The following CIAPIN1 variants were observed in gnomAD, a reference collection of about 807,000 sequenced individuals.
CIAPIN1 encodes the protein anamorsin.
CIAPIN1 carries 18 observed loss-of-function variants against 34.3 expected under a neutral mutation model. The ratio of observed to expected loss-of-function variants is 0.52; its 90% CI spans 0.36 to 0.78. The LOEUF (loss-of-function observed/expected upper bound fraction) is 0.78, where lower values mean the gene tolerates loss of function less well. Ranked by LOEUF, CIAPIN1 falls within the 30% of genes least tolerant of loss-of-function variation. The pLI, the probability that CIAPIN1 is intolerant of heterozygous loss-of-function variation, is 0.00. For synonymous variants in CIAPIN1, 131 were observed against 140.4 expected, an observed-to-expected ratio of 0.93 and a Z score of 0.47; for missense variants, 310 against 372.5, an observed-to-expected ratio of 0.83 and a Z score of 1.38.
In CIAPIN1 at chr16:57,434,743, T is replaced by C. The variant is rs2269864; in HGVS notation, c.388-531A>G. The stretch of plus-strand genomic sequence containing the variant: ...ATGGAATACTATTACATCATTAATA[T>C]GAATGAAGGGAAATACACTGAAGTA... On this transcript the variant is annotated intron_variant, in intron 4 of 8. Coordinates refer to ENST00000394391, the MANE Select transcript of CIAPIN1 (RefSeq NM_020313.4). Among the ~76,000 whole-genome samples, 353 of 152,318 alleles carry C rather than the reference T, an allele frequency of 2.3e-3. 15 individuals carry two copies. In the East Asian group the frequency reaches 0.059, roughly 25 times the overall value.
At chr16:57,436,924 A>T (rs528855382) in intron 3 of CIAPIN1, among the ~76,000 whole-genome samples, 192 bp from the exon 4 acceptor site, 8 of 151,986 alleles carry the variant, frequency 5.3e-5, no homozygotes, top group Non-Finnish European at 1.2e-4. Flanking sequence ...TTCAAGACCA[A>T]TCTGGGGCCA....
At chr16:57,443,938 T>C (rs1424108410) in intron 1 of CIAPIN1, among the ~76,000 whole-genome samples, 18 of 151,374 alleles carry the variant, frequency 1.2e-4, no homozygotes, top group Admixed American at 3.3e-4. Flanking sequence ...AAAAAAAAAA[T>C]GACCTGTTTC....
intron 2 of CIAPIN1, among the ~76,000 whole-genome samples, 177 bp downstream of exon 2, chr16:57,440,595 G>A (rs1402420698): frequency 2.0e-5 from 3 of 152,062 alleles, no homozygotes; most frequent in Non-Finnish European, 2.9e-5. Flanking sequence ...AAGAACCTAC[G>A]TTGAATTATT....
At position 57,434,198 on chromosome 16, in the gene CIAPIN1, G is replaced by A. The variant is rs77773186; in HGVS notation, c.402C>T (p.Pro134=). 6.3e-4 allele frequency: 1,014 copies of A among 1,613,924 alleles called. 8 individuals carry two copies. In the African/African-American group the frequency reaches 0.013, roughly 20 times the overall value. Residue 134 remains proline, a synonymous_variant, in exon 5 of 9, where the codon CCC becomes CCT. Transcript: ENST00000394391. ...LVEVKELQRE[P]LTPEEVQSVR... is the part of the protein sequence containing the mutation. ...CAGACTGTACTTCCTCAGGGGTTAG[G>A]GGCTCCCGCTGCAGCTAGAATTCAA...
intron 1 of CIAPIN1, among the ~76,000 whole-genome samples, chr16:57,446,879 A>G (rs2030098591): frequency 6.6e-6 from 1 of 152,314 alleles, no homozygotes; most frequent in Non-Finnish European, 1.5e-5. Context: ...CGAAATTACA[A>G]TCGTGAGCTC....
At chr16:57,438,121 C>T (rs1005421654) in intron 3 of CIAPIN1, among the ~76,000 whole-genome samples, 1 of 152,180 alleles carries the variant, frequency 6.6e-6, no homozygotes, top group African/African-American at 2.4e-5. Flanking sequence ...TTATACTACA[C>T]ATAACACAAA....
At chr16:57,442,910 T>TC (rs1440953747) in intron 1 of CIAPIN1, among the ~76,000 whole-genome samples, 1 of 152,080 alleles carries the variant, frequency 6.6e-6, no homozygotes, top group Non-Finnish European at 1.5e-5. Context: ...AAGTGATCCC[T>TC]CCTTATTCTA....
intron 6 of CIAPIN1, 112 bp from the exon 7 acceptor site, chr16:57,431,378 C>T: frequency 1.6e-6 from 1 of 634,296 alleles, no homozygotes; most frequent in South Asian, 2.1e-5. Context: ...AGAAGGTGTC[C>T]ACCCTGTCCT....
chr16:57,438,035 CT>C (rs537086487), intron 3 of CIAPIN1, among the ~76,000 whole-genome samples: 4 of 152,072 alleles, frequency 2.6e-5, no homozygotes, highest in Admixed American at 6.6e-5. Flanking sequence ...TGAATAGTTC[CT>C]TTTTTATCTC....
chr16:57,439,496 T>C (rs1244517496), intron 2 of CIAPIN1, among the ~76,000 whole-genome samples, 162 bp from the exon 3 acceptor site: 9 of 152,070 alleles, frequency 5.9e-5, no homozygotes, highest in African/African-American at 1.9e-4. Flanking sequence ...TAAAAAAACA[T>C]GGAATAGCTA....
chr16:57,434,294 A>T, intron 4 of CIAPIN1, 82 bp from the exon 5 acceptor site: 1 of 1,351,456 alleles, frequency 7.4e-7, no homozygotes, highest in East Asian at 2.3e-5. Flanking sequence ...GGAGTCAAAG[A>T]CTCATTTCTG....
At chr16:57,431,986 T>C (rs1474982474) in intron 6 of CIAPIN1, among the ~76,000 whole-genome samples, 1 of 152,134 alleles carries the variant, frequency 6.6e-6, no homozygotes, top group Non-Finnish European at 1.5e-5. Context: ...CAAGAAATTA[T>C]GTGGGGAAAA....
At chr16:57,431,045 G>T in intron 7 of CIAPIN1, 106 bp downstream of exon 7, 24 of 618,414 alleles carry the variant, frequency 3.9e-5, no homozygotes, top group South Asian at 1.7e-4. Flanking sequence ...TCCCTGTGTT[G>T]CCCAGCCTGG....
At chr16:57,429,379 GA>G in intron 8 of CIAPIN1, 99 bp from the exon 9 acceptor site, 1 of 756,270 alleles carries the variant, frequency 1.3e-6, no homozygotes, top group Admixed American at 2.2e-5. Flanking sequence ...ACAGTGGCCT[GA>G]AGGAAATGGC....
rs575315678 is a variant in CIAPIN1, at chr16:57,444,690, T to C, written c.-56+2652A>G. On this transcript the variant is annotated intron_variant, in intron 1 of 8. Coordinates refer to ENST00000394391, the MANE Select transcript of CIAPIN1 (RefSeq NM_020313.4). ...AACATCAACCCTCAAAAAACAGGCATAGCCACTACTTTCAGTCAGCATTTT... is the reference window on the plus strand; with the variant it reads ...AACATCAACCCTCAAAAAACAGGCACAGCCACTACTTTCAGTCAGCATTTT... Among the ~76,000 whole-genome samples, 40 of 152,330 alleles carry C rather than the reference T, an allele frequency of 2.6e-4. No homozygotes were observed. The South Asian group carries it at 7.7e-3, about 29-fold the overall frequency.
intron 2 of CIAPIN1, among the ~76,000 whole-genome samples, chr16:57,440,265 T>C (rs1718550857): frequency 6.6e-6 from 1 of 152,222 alleles, no homozygotes; most frequent in Admixed American, 6.5e-5. Flanking sequence ...TGTCTCCTGA[T>C]AAGATGTTAT....
At chr16:57,438,514 C>T (rs1335942726) in intron 3 of CIAPIN1, among the ~76,000 whole-genome samples, 41 of 152,126 alleles carry the variant, frequency 2.7e-4, no homozygotes, top group South Asian at 2.1e-4. Context: ...ATATGAAGAC[C>T]GGGAAATTGA....
In CIAPIN1 at chr16:57,434,061, T is replaced by C. The variant is rs1408790486; in HGVS notation, c.539A>G (p.Lys180Arg). 1.2e-6 allele frequency: 2 copies of C among 1,613,938 alleles called. No homozygotes were observed. Among genetic ancestry groups the C allele is most frequent in the African/African-American group, 1.3e-5 (1 of 74,930 alleles). ...AGCCTTACCTGAAGGAGAAGACTTCTTGGTGATGGAAAGCTTAAGCTGCCT... is the reference window on the plus strand; with the variant it reads ...AGCCTTACCTGAAGGAGAAGACTTCCTGGTGATGGAAAGCTTAAGCTGCCT... ...SSRQLKLSIT[K>R]KSSPSVKPAV... Residue 180 changes from lysine (K) to arginine (R), a missense_variant, in exon 5 of 9, where the codon AAG becomes AGG. Physicochemically the swap from Lys to Arg is conservative, Grantham distance 26 (BLOSUM62 2). Transcript: ENST00000394391.
At chr16:57,437,076 G>C (rs138994570) in intron 3 of CIAPIN1, among the ~76,000 whole-genome samples, 1 of 152,084 alleles carries the variant, frequency 6.6e-6, no homozygotes, top group Non-Finnish European at 1.5e-5. Flanking sequence ...GCAGTGAGCC[G>C]AGATTGCACC....
Sources: allele counts gnomAD v4.1 joint callset (sites outside exome capture counted in the v4.1 genomes callset), GRCh38; gene constraint gnomAD v4.1.1; transcripts MANE v1.5; gene names NCBI Gene and HGNC (gene_info 2026-07-23, HGNC 2026-07-21).